Variants in IL1RL2 observed in about 807,000 individuals in gnomAD.
IL1RL2 encodes interleukin-1 receptor-like 2.
In IL1RL2, 68 loss-of-function variants were observed where a neutral mutation model predicts 66.8. The ratio of observed to expected loss-of-function variants is 1.02; its 90% CI spans 0.84 to 1.25. The LOEUF is 1.25. Ranked by LOEUF, IL1RL2 falls within the 50% of genes most tolerant of loss-of-function variation. IL1RL2 has a pLI of 0.00. For missense variants in IL1RL2, 729 were observed against 709.3 expected, an observed-to-expected ratio of 1.03 and a Z score of -0.32; for synonymous variants, 305 against 264.6, an observed-to-expected ratio of 1.15 and a Z score of -1.48.
At chr2:102,195,547 A>ATTTCTTTCTTTTTCTTTCTTTC (rs144628922) in intron 4 of IL1RL2, among the ~76,000 whole-genome samples, 1 of 125,182 alleles carries the variant, frequency 8.0e-6, no homozygotes, top group Non-Finnish European at 1.7e-5. Flanking sequence ...CCCTTATTCT[A>ATTTCTTTCTTTTTCTTTCTTTC]TTTCTTTCTT....
At chr2:102,201,989 G>A (rs34924404) in intron 5 of IL1RL2, among the ~76,000 whole-genome samples, 141 of 152,302 alleles carry the variant, frequency 9.3e-4, no homozygotes, top group African/African-American at 3.2e-3. Flanking sequence ...ACATAGACTA[G>A]CTGCTGGGGT....
intron 8 of IL1RL2, among the ~76,000 whole-genome samples, chr2:102,225,249 C>T (rs1344937897): frequency 6.6e-6 from 1 of 152,218 alleles, no homozygotes; most frequent in Non-Finnish European, 1.5e-5. Context: ...GCAATGTACT[C>T]ATGAAACAGG....
Position 102,219,922 on chromosome 2 carries a change from A to G in IL1RL2, c.896A>G (p.Asn299Ser). The G allele has an allele frequency of 6.2e-7, 1 of 1,613,698 alleles. No individual in the cohort carries two copies. Among genetic ancestry groups the G allele is most frequent in the Middle Eastern group, 1.7e-4 (1 of 6,058 alleles). Reference sequence around the variant, plus strand: ...CGGGAACATAATTTGTACACAGTAAACATCACCTTCTTGGAAGTGAAAATG... The same window carrying G: ...CGGGAACATAATTTGTACACAGTAAGCATCACCTTCTTGGAAGTGAAAATG... ...SFREHNLYTVNITFLEVKMED... is the reference protein window; with the variant it reads ...SFREHNLYTVSITFLEVKMED... Residue 299 changes from asparagine (N) to serine (S), a missense_variant, in exon 8 of 12, where the codon AAC (asparagine) becomes AGC (serine). Transcript: ENST00000264257.
In IL1RL2 at chr2:102,191,986, G is replaced by T; in HGVS notation, c.355G>T (p.Asp119Tyr). Residue 119 changes from aspartate (D) to tyrosine (Y), a missense_variant, in exon 4 of 12, where the codon GAC becomes TAC. Coordinates refer to ENST00000264257, the MANE Select transcript of IL1RL2 (RefSeq NM_003854.4). The stretch of plus-strand genomic sequence containing the variant: ...AACTGTTTTTGAAAAACATTGGTGT[G>T]ACACTTCCATAGGTGGTTTACCAAA... ...NLTVFEKHWC[D>Y]TSIGGLPNLS... 1 of 1,612,598 alleles carries T rather than the reference G, an allele frequency of 6.2e-7. No homozygotes were observed. The highest frequency in any genetic ancestry group is 1.1e-5 in the South Asian group (1 of 90,748).
At position 102,225,876 on chromosome 2, in the gene IL1RL2, A is replaced by T. The variant is rs778238554; in HGVS notation, c.992-22A>T. On this transcript the variant is annotated intron_variant, in intron 8 of 11. Transcript: ENST00000264257. ...CATTATTATAATTATAATTATTATT[A>T]TTTTTTTGCTGTCATTTGTAGCTCC... 4.0e-5 allele frequency: 59 copies of T among 1,477,876 alleles called. No individual in the cohort carries two copies. In the South Asian group the frequency reaches 7.3e-4, roughly 18 times the overall value. The allele number at this position is 1,477,876 out of a possible 1,614,324, so 91.5% of individuals were successfully genotyped here.
Position 102,239,367 on chromosome 2 carries a change from A to G in IL1RL2, c.*126A>G, listed in dbSNP as rs1253744581. On this transcript the variant is annotated 3_prime_UTR_variant, in exon 12 of 12. Coordinates refer to ENST00000264257, the MANE Select transcript of IL1RL2 (RefSeq NM_003854.4). ...GCATTCTAGACACCCAGTTGAGCTC[A>G]GGCGTAGAGAAGAGGAGGATGGGAT... 4.7e-6 allele frequency: 4 copies of G among 854,296 alleles called. 1 individual carries two copies. The highest frequency in any genetic ancestry group is 7.9e-6 in the Non-Finnish European group (4 of 508,954). The allele number at this position is 854,296 out of a possible 1,614,324, so 52.9% of individuals were successfully genotyped here.
At position 102,239,638 on chromosome 2, in the gene IL1RL2, G is replaced by C. The variant is rs545899881; in HGVS notation, c.*397G>C. 2.9e-5 allele frequency: 6 copies of C among 208,178 alleles called. No individual in the cohort carries two copies. The South Asian group carries it at 4.7e-4, about 16-fold the overall frequency. 12.9% of individuals were successfully genotyped at this position (208,178 alleles called of 1,614,324 possible). A position where few individuals can be genotyped will look rare whatever the true frequency, so the allele number is the denominator to read the frequency against. ...TCATCCACATGGTCATAGTGGGTGA[G>C]AGCTGGGGGTATCCCTACATCATGG... On this transcript the variant is annotated 3_prime_UTR_variant, in exon 12 of 12. Transcript: ENST00000264257.
chr2:102,188,412 G>T (rs1173455190), intron 2 of IL1RL2, among the ~76,000 whole-genome samples: 1 of 151,726 alleles, frequency 6.6e-6, no homozygotes, highest in African/African-American at 2.4e-5. Context: ...GTGAAACCCC[G>T]TCTCTACTAA....
intron 11 of IL1RL2, chr2:102,235,478 G>A (rs1163595798): frequency 2.0e-6 from 2 of 985,354 alleles, no homozygotes; most frequent in South Asian, 4.7e-5. Context: ...GAAACACACG[G>A]CTTCTGCAGA....
At chr2:102,224,886 T>A (rs1392604295) in intron 8 of IL1RL2, among the ~76,000 whole-genome samples, 1 of 152,094 alleles carries the variant, frequency 6.6e-6, no homozygotes, top group African/African-American at 2.4e-5. Context: ...TTTTTAAAAT[T>A]AAAGTGCTCT....
At chr2:102,240,230 T>C (rs887058066), downstream of IL1RL2, among the ~76,000 whole-genome samples, 1 of 152,062 alleles carries the variant, frequency 6.6e-6, no homozygotes, top group East Asian at 1.9e-4. Context: ...GCACAATAGC[T>C]TTTTTTCCCC....
In IL1RL2 at chr2:102,204,594, T is replaced by C. The variant is rs556719281; in HGVS notation, c.649+2879T>C. ...TGGGTGTTATATCCTCTTGCTGAATTGACCTTTTTATCATTACATAGTGAC... is the reference window on the plus strand; with the variant it reads ...TGGGTGTTATATCCTCTTGCTGAATCGACCTTTTTATCATTACATAGTGAC... On this transcript the variant is annotated intron_variant, in intron 5 of 11. Transcript: ENST00000264257. Among the ~76,000 whole-genome samples the C allele has an allele frequency of 2.2e-4, 33 of 152,244 alleles. 2 individuals carry two copies. Among genetic ancestry groups the C allele is most frequent in the African/African-American group, 7.9e-4 (33 of 41,554 alleles).
intron 8 of IL1RL2, among the ~76,000 whole-genome samples, chr2:102,221,566 C>T (rs955308881): frequency 3.9e-5 from 6 of 152,234 alleles, no homozygotes; most frequent in African/African-American, 1.4e-4. Context: ...TTCCCTTATC[C>T]TCCCTCATGC....
At chr2:102,231,405 G>A (rs989353684) in intron 9 of IL1RL2, among the ~76,000 whole-genome samples, 1 of 152,142 alleles carries the variant, frequency 6.6e-6, no homozygotes, top group African/African-American at 2.4e-5. Context: ...GACTGAGGCA[G>A]GAGAATCGCT....
At chr2:102,232,150 T>G (rs1691194551) in intron 9 of IL1RL2, among the ~76,000 whole-genome samples, 1 of 151,478 alleles carries the variant, frequency 6.6e-6, no homozygotes, top group South Asian at 2.1e-4. Flanking sequence ...TTGCTCTTGT[T>G]GCCCAGGCTG....
At chr2:102,188,009 G>C in intron 2 of IL1RL2, 84 bp downstream of exon 2, 1 of 1,384,892 alleles carries the variant, frequency 7.2e-7, no homozygotes, top group Non-Finnish European at 1.0e-6. Flanking sequence ...CGGGGATCGC[G>C]TCAGCCCGAG....
downstream of IL1RL2, among the ~76,000 whole-genome samples, chr2:102,242,028 T>G (rs954496225): frequency 6.6e-6 from 1 of 152,200 alleles, no homozygotes; most frequent in African/African-American, 2.4e-5. Context: ...AGTTCATTCA[T>G]GAAAACATAG....
intron 4 of IL1RL2, among the ~76,000 whole-genome samples, chr2:102,197,241 G>A (rs911511823): frequency 2.6e-5 from 4 of 152,168 alleles, no homozygotes; most frequent in Non-Finnish European, 5.9e-5. Flanking sequence ...CTGGTTGAAG[G>A]CTTGCAGGAG....
rs761309906 is a variant in IL1RL2, at chr2:102,187,882, G to A, written c.15G>A (p.Leu5=). 1.1e-5 allele frequency: 17 copies of A among 1,613,490 alleles called. No homozygotes were observed. In the South Asian group the frequency reaches 1.4e-4, roughly 14 times the overall value. Reference sequence around the variant, plus strand: ...CCGGTTTGGGGATGTGGTCCTTGCTGCTCTGCGGGTTGTCCATCGCCCTTC... The same window carrying A: ...CCGGTTTGGGGATGTGGTCCTTGCTACTCTGCGGGTTGTCCATCGCCCTTC... MWSL[L]LCGLSIALPL... is the part of the protein sequence containing the mutation. The change falls in exon 2 of 12, where the codon CTG becomes CTA. Residue 5 remains leucine, a synonymous_variant. Transcript: ENST00000264257.
Sources: gnomAD v4.1 joint callset for allele counts (sites outside exome capture counted in the v4.1 genomes callset) on GRCh38, gnomAD v4.1.1 for gene constraint, MANE v1.5 for transcripts, NCBI Gene and HGNC (gene_info 2026-07-23, HGNC 2026-07-21) for gene names.